The following MTFR1 variants were observed in gnomAD, a reference collection of about 807,000 sequenced individuals.
MTFR1 encodes chondrocyte protein with a poly-proline region.
A neutral mutation model predicts 38.8 loss-of-function variants in MTFR1; 28 were observed. That is an observed-to-expected ratio of 0.72 (90% confidence interval 0.53 to 0.99). The LOEUF (loss-of-function observed/expected upper bound fraction) is 0.99, where lower values mean the gene tolerates loss of function less well. Among genes scored for constraint, MTFR1 ranks in the 50% least tolerant of loss-of-function variants. The pLI is 0.00. For missense variants in MTFR1, 358 were observed against 395.5 expected (o/e 0.91, Z 0.81); for synonymous variants, 145 against 137.0 (o/e 1.06, Z -0.41).
Position 65,662,703 on chromosome 8 carries a change from C to G in MTFR1, c.-80-7170C>G, listed in dbSNP as rs1809472769. 1.5e-5 allele frequency among the ~76,000 whole-genome samples: 2 copies of G among 130,898 alleles called. 1 individual carries two copies. Among genetic ancestry groups the G allele is most frequent in the Non-Finnish European group, 3.4e-5 (2 of 58,234 alleles). 85.9% of individuals were successfully genotyped at this position (130,898 alleles called of 152,430 possible). A position where few individuals can be genotyped will look rare whatever the true frequency, so the allele number is the denominator to read the frequency against. On this transcript the variant is annotated intron_variant, in intron 1 of 7. Coordinates refer to ENST00000262146, the MANE Select transcript of MTFR1 (RefSeq NM_014637.4). ...CTGAGAAGTGAGGAGCCCCTCCGCC[C>G]GGCAGCCACACCGTCTGAGAAGTGA...
At chr8:65,761,302 G>C (rs1471169376) in intron 3 of MTFR1, among the ~76,000 whole-genome samples, 1 of 152,076 alleles carries the variant, frequency 6.6e-6, no homozygotes, top group South Asian at 2.1e-4. Flanking sequence ...CTGACCTCGT[G>C]ATCCACCTGC....
chr8:65,698,732 CTT>C (rs529069971), intron 4 of MTFR1, among the ~76,000 whole-genome samples: 8 of 142,968 alleles, frequency 5.6e-5, no homozygotes, highest in Admixed American at 1.4e-4. Flanking sequence ...TTGTTCCCTT[CTT>C]TTTTTTTTTT....
intron 1 of MTFR1, among the ~76,000 whole-genome samples, chr8:65,657,528 C>A (rs923074231): frequency 1.3e-5 from 2 of 151,698 alleles, no homozygotes; most frequent in African/African-American, 4.8e-5. Context: ...TGTAGTGAGA[C>A]CCCGTCTCTA....
At chr8:65,771,116 C>A in exon 4 of MTFR1, 1 of 282,772 alleles carries the variant, frequency 3.5e-6, no homozygotes, top group Non-Finnish European at 7.0e-6. Flanking sequence ...TGGTTGAGGT[C>A]CTTCTTTTGT....
intron 3 of MTFR1, among the ~76,000 whole-genome samples, chr8:65,735,118 G>A (rs1452384975): frequency 3.3e-5 from 5 of 152,176 alleles, no homozygotes; most frequent in East Asian, 3.9e-4. Flanking sequence ...ACTAGGCTTC[G>A]GGGTGGAGCT....
intron 1 of MTFR1, among the ~76,000 whole-genome samples, chr8:65,645,693 C>G (rs13252996): frequency 3.4e-5 from 2 of 58,370 alleles, no homozygotes; most frequent in South Asian, 1.1e-3. Flanking sequence ...GCCCGGCTTT[C>G]CCCCCCCCCC....
At chr8:65,662,250 G>A (rs1287956765) in intron 1 of MTFR1, among the ~76,000 whole-genome samples, 2 of 152,140 alleles carry the variant, frequency 1.3e-5, no homozygotes, top group Non-Finnish European at 2.9e-5. Flanking sequence ...GGCGCGCGCC[G>A]CCACGCCTGA....
rs1160409338 is a variant in MTFR1, at chr8:65,665,273, T to C, written c.-80-4600T>C. Among the ~76,000 whole-genome samples, 3 of 152,120 alleles carry C rather than the reference T, an allele frequency of 2.0e-5. No individual in the cohort carries two copies. In the East Asian group the frequency reaches 5.8e-4, roughly 29 times the overall value. On this transcript the variant is annotated intron_variant, in intron 1 of 7. Coordinates refer to ENST00000262146, the MANE Select transcript of MTFR1 (RefSeq NM_014637.4). ...TCAAACTCCACATAAAACCATCCTT[T>C]CTCCTTGCCTGTTTTTTTGCCAGTT...
At chr8:65,646,358 T>A (rs1309758364) in intron 1 of MTFR1, among the ~76,000 whole-genome samples, 1 of 152,190 alleles carries the variant, frequency 6.6e-6, no homozygotes, top group African/African-American at 2.4e-5. Flanking sequence ...AAGTTCTTGC[T>A]CTTTTAACTG....
At chr8:65,706,823 T>A (rs1805792341) in intron 5 of MTFR1, among the ~76,000 whole-genome samples, 187 bp from the exon 6 acceptor site, 1 of 152,220 alleles carries the variant, frequency 6.6e-6, no homozygotes, top group South Asian at 2.1e-4. Context: ...GATTGAATGA[T>A]ACAGTGGCTG....
chr8:65,669,032 G>A (rs1165650527), intron 1 of MTFR1, among the ~76,000 whole-genome samples: 2 of 152,176 alleles, frequency 1.3e-5, no homozygotes, highest in Non-Finnish European at 2.9e-5. Flanking sequence ...TTTATTCATT[G>A]GTTTTGGCCT....
chr8:65,738,274 C>CAA (rs56981146), intron 3 of MTFR1, among the ~76,000 whole-genome samples: 59,312 of 151,792 alleles, frequency 0.39, 12,183 homozygotes, highest in East Asian at 0.62. Context: ...TGTATATAAC[C>CAA]AAATAAATTA....
intron 3 of MTFR1, among the ~76,000 whole-genome samples, chr8:65,761,356 G>A (rs1225832400): frequency 6.6e-6 from 1 of 152,232 alleles, no homozygotes; most frequent in Admixed American, 6.5e-5. Flanking sequence ...GAGCCACCAC[G>A]CCTGGCCCTC....
At chr8:65,739,893 A>G (rs1017781804) in intron 3 of MTFR1, among the ~76,000 whole-genome samples, 1 of 152,212 alleles carries the variant, frequency 6.6e-6, no homozygotes, top group African/African-American at 2.4e-5. Flanking sequence ...AATAGACAAT[A>G]GAAAACTTTA....
intron 2 of MTFR1, among the ~76,000 whole-genome samples, chr8:65,676,870 A>G (rs1035323868): frequency 1.3e-5 from 2 of 152,176 alleles, no homozygotes; most frequent in African/African-American, 4.8e-5. Flanking sequence ...AATGTTAAAA[A>G]AGAACAAACT....
At chr8:65,769,321 A>G (rs1004264163) in intron 3 of MTFR1, among the ~76,000 whole-genome samples, 1 of 151,980 alleles carries the variant, frequency 6.6e-6, no homozygotes, top group African/African-American at 2.4e-5. Context: ...GAAAGTCTGC[A>G]TGATACGGCC....
At chr8:65,750,756 C>A (rs1402927279) in intron 3 of MTFR1, among the ~76,000 whole-genome samples, 2 of 151,934 alleles carry the variant, frequency 1.3e-5, no homozygotes, top group African/African-American at 4.8e-5. Flanking sequence ...ATTTTCTGGG[C>A]AACTTCTGAC....
At chr8:65,704,150 G>A (rs1056100181) in intron 4 of MTFR1, among the ~76,000 whole-genome samples, 3 of 152,172 alleles carry the variant, frequency 2.0e-5, no homozygotes, top group African/African-American at 7.2e-5. Context: ...AGACAGAAAA[G>A]TAGTATAAAG....
At chr8:65,772,259 C>T (rs1809119754), downstream of MTFR1, among the ~76,000 whole-genome samples, 1 of 152,136 alleles carries the variant, frequency 6.6e-6, no homozygotes, top group Non-Finnish European at 1.5e-5. Context: ...CAGAATTTTG[C>T]AATCAGAACA....
Sources: gnomAD v4.1 joint callset for allele counts (sites outside exome capture counted in the v4.1 genomes callset) on GRCh38, gnomAD v4.1.1 for gene constraint, MANE v1.5 for transcripts, NCBI Gene and HGNC (gene_info 2026-07-23, HGNC 2026-07-21) for gene names.